The following TRIP13 variants were observed in gnomAD, a reference collection of about 807,000 sequenced individuals.
TRIP13 encodes pachytene checkpoint protein 2 homolog.
Under a neutral mutation model 54.4 loss-of-function variants are expected in TRIP13, and 25 were observed. The ratio of observed to expected loss-of-function variants is 0.46; its 90% CI spans 0.33 to 0.64. TRIP13 has a LOEUF of 0.64. Among genes scored for constraint, TRIP13 ranks in the 30% least tolerant of loss-of-function variants. TRIP13 has a pLI of 0.02. For missense variants in TRIP13, 373 were observed against 534.2 expected, an observed-to-expected ratio of 0.70 and a Z score of 2.97; for synonymous variants, 207 against 207.8, an observed-to-expected ratio of 1.00 and a Z score of 0.03.
rs1057485269 is a variant in TRIP13, at chr5:912,597, C to T, written c.1020+601C>T. Among the ~76,000 whole-genome samples, 6 of 142,900 alleles carry T rather than the reference C, an allele frequency of 4.2e-5. No homozygotes were observed. Among genetic ancestry groups the T allele is most frequent in the African/African-American group, 7.9e-5 (3 of 38,050 alleles). The allele number at this position is 142,900 out of a possible 152,430, so 93.7% of individuals were successfully genotyped here. A position where few individuals can be genotyped will look rare whatever the true frequency, so the allele number is the denominator to read the frequency against. On this transcript the variant is annotated intron_variant, in intron 10 of 12. Coordinates refer to ENST00000166345, the MANE Select transcript of TRIP13 (RefSeq NM_004237.4). This position sits in a 1 kb window ranked among gnomAD's most constrained non-coding sequence, Gnocchi z 7.2. ...CCGTCGCCACGGGCACAGTGACGTG[C>T]GGTGAGTGTGAGTCAGGAGGGCCGT...
Position 917,144 on chromosome 5 carries a change from C to T in TRIP13, c.*41C>T, listed in dbSNP as rs11889. 6.2e-7 allele frequency: 1 copy of T among 1,601,122 alleles called. No homozygotes were observed. The highest frequency in any genetic ancestry group is 1.7e-5 in the Admixed American group (1 of 59,778). On this transcript the variant is annotated 3_prime_UTR_variant, in exon 13 of 13. Transcript: ENST00000166345. ...TCTGGTGCTTTTCCCATGGAGAACA[C>T]ACAACCAGTAAGTGAGGTTGCCCCA...
At chr5:916,273 G>A (rs931725368) in intron 12 of TRIP13, among the ~76,000 whole-genome samples, 18 of 152,224 alleles carry the variant, frequency 1.2e-4, no homozygotes, top group African/African-American at 3.9e-4. Context: ...CTCACCAGAG[G>A]TTTGTGCTCT....
chr5:916,747 T>G (rs1754348333), intron 12 of TRIP13, among the ~76,000 whole-genome samples: 1 of 152,124 alleles, frequency 6.6e-6, no homozygotes, highest in Non-Finnish European at 1.5e-5. Context: ...GGTGCTCCCC[T>G]GCCCACCCCC....
At chr5:916,210 A>G (rs576346472) in intron 12 of TRIP13, among the ~76,000 whole-genome samples, 2 of 152,140 alleles carry the variant, frequency 1.3e-5, no homozygotes, top group Admixed American at 1.3e-4. Context: ...ATGCACACAC[A>G]TGCACGTCTG....
chr5:918,689 G>A (rs1259105855), downstream of TRIP13, among the ~76,000 whole-genome samples: 1 of 152,118 alleles, frequency 6.6e-6, no homozygotes, highest in East Asian at 1.9e-4. The surrounding 1 kb of genome is among the most constrained non-coding windows in gnomAD (Gnocchi z 4.3). Context: ...GTAGGCCATC[G>A]CAAGCTTCAG....
Position 917,823 on chromosome 5 carries a change from G to C in TRIP13, c.*720G>C, listed in dbSNP as rs1000052388. The C allele has an allele frequency of 5.3e-5, 8 of 152,128 alleles. No homozygotes were observed. Among genetic ancestry groups the C allele is most frequent in the Non-Finnish European group, 1.2e-4 (8 of 68,022 alleles). The allele number at this position is 152,128 out of a possible 1,614,324, so 9.4% of individuals were successfully genotyped here. On this transcript the variant is annotated 3_prime_UTR_variant, in exon 13 of 13. Coordinates refer to ENST00000166345, the MANE Select transcript of TRIP13 (RefSeq NM_004237.4). Reference sequence around the variant, plus strand: ...CTGGGATGTTTCTGCCCACGGTTTTGTTTGTGCAATAACGTTATCACATTT... The same window carrying C: ...CTGGGATGTTTCTGCCCACGGTTTTCTTTGTGCAATAACGTTATCACATTT...
intron 3 of TRIP13, among the ~76,000 whole-genome samples, 198 bp from the exon 4 acceptor site, chr5:900,296 A>G (rs1753954708): frequency 6.6e-6 from 1 of 152,174 alleles, no homozygotes; most frequent in Non-Finnish European, 1.5e-5. Flanking sequence ...ACTGGCATTT[A>G]TTTTGCATCT....
intron 3 of TRIP13, 38 bp from the exon 4 acceptor site, chr5:900,456 C>T: frequency 1.2e-6 from 2 of 1,611,522 alleles, no homozygotes; most frequent in Non-Finnish European, 1.7e-6. Context: ...TAATTGCTTG[C>T]CTTCCTGAAA....
rs910575177 is a variant in TRIP13, at chr5:911,479, G to C, written c.867-364G>C. Among the ~76,000 whole-genome samples, 2 of 152,088 alleles carry C rather than the reference G, an allele frequency of 1.3e-5. No homozygotes were observed. Among genetic ancestry groups the C allele is most frequent in the Non-Finnish European group, 2.9e-5 (2 of 68,012 alleles). On this transcript the variant is annotated intron_variant, in intron 9 of 12. Transcript: ENST00000166345. This position sits in a 1 kb window ranked among gnomAD's most constrained non-coding sequence, Gnocchi z 4.7. Reference sequence around the variant, plus strand: ...CCGGCTACTTGGGAGGCTGAGGCAGGAGAATGGTGTGAACCGGCGAGGCGG... The same window carrying C: ...CCGGCTACTTGGGAGGCTGAGGCAGCAGAATGGTGTGAACCGGCGAGGCGG...
intron 1 of TRIP13, chr5:893,513 T>C: frequency 4.6e-6 from 1 of 217,190 alleles, no homozygotes; most frequent in Non-Finnish European, 9.4e-6. Context: ...AGCCACTGCT[T>C]CTCAGACCCT....
At chr5:900,832 G>A (rs770251043) in intron 4 of TRIP13, among the ~76,000 whole-genome samples, 1 of 152,126 alleles carries the variant, frequency 6.6e-6, no homozygotes, top group Non-Finnish European at 1.5e-5. Context: ...AGCCTGGTCC[G>A]CACAAAGGAA....
chr5:900,758 G>A (rs1372126517), intron 4 of TRIP13, among the ~76,000 whole-genome samples: 1 of 152,198 alleles, frequency 6.6e-6, no homozygotes, highest in African/African-American at 2.4e-5. Flanking sequence ...AAGAGGGAAA[G>A]GGAGAACGTG....
chr5:909,751 C>A (rs527534725), intron 9 of TRIP13, among the ~76,000 whole-genome samples: 23 of 152,342 alleles, frequency 1.5e-4, no homozygotes, highest in African/African-American at 5.5e-4. Flanking sequence ...AAAAGTATCC[C>A]TTACGGGAAA....
At chr5:900,308 T>C (rs1753955060) in intron 3 of TRIP13, among the ~76,000 whole-genome samples, 186 bp from the exon 4 acceptor site, 3 of 152,254 alleles carry the variant, frequency 2.0e-5, no homozygotes, top group Admixed American at 2.0e-4. Flanking sequence ...TTTGCATCTT[T>C]GATTTTAATA....
chr5:899,986 C>G (rs1272240036), intron 3 of TRIP13, among the ~76,000 whole-genome samples: 1 of 151,984 alleles, frequency 6.6e-6, no homozygotes, highest in Non-Finnish European at 1.5e-5. Context: ...TTCATTCAGT[C>G]AGTGTGTGGG....
chr5:896,706 C>T lies in TRIP13; in HGVS notation c.300C>T (p.Phe100=). ...LSACTVALHI[F]QLNEDGPSSE... is the part of the protein sequence containing the mutation. The stretch of plus-strand genomic sequence containing the variant: ...CATGCACTGTTGCACTTCACATTTT[C>T]CAGCTGAATGAAGATGGCCCCAGCA... Residue 100 remains phenylalanine (F), a synonymous_variant, in exon 3 of 13, where the codon TTC becomes TTT. Transcript: ENST00000166345. The T allele has an allele frequency of 2.5e-6, 4 of 1,613,868 alleles. No individual in the cohort carries two copies. The highest frequency in any genetic ancestry group is 3.4e-6 in the Non-Finnish European group (4 of 1,179,844).
intron 9 of TRIP13, among the ~76,000 whole-genome samples, chr5:910,117 C>T (rs1034381119): frequency 1.3e-5 from 2 of 152,232 alleles, no homozygotes; most frequent in Admixed American, 6.5e-5. Context: ...ACTTCCTTCC[C>T]CACCTGGCTT....
chr5:906,930 A>G (rs1397878352), intron 6 of TRIP13, among the ~76,000 whole-genome samples, 200 bp from the exon 7 acceptor site: 2 of 152,262 alleles, frequency 1.3e-5, no homozygotes, highest in African/African-American at 4.8e-5. Context: ...GATACAGTCT[A>G]GAACTACTGA....
chr5:892,928 TGG>T lies in TRIP13; in HGVS notation c.-70_-69del, dbSNP rs1374928686. 8.1e-6 allele frequency: 11 copies of T among 1,353,970 alleles called. No individual in the cohort carries two copies. In the Admixed American group the frequency reaches 1.6e-4, roughly 19 times the overall value. 83.9% of individuals were successfully genotyped at this position (1,353,970 alleles called of 1,614,324 possible). A position where few individuals can be genotyped will look rare whatever the true frequency, so the allele number is the denominator to read the frequency against. ...GGCCCGCGGGCTGAGGCAGCGGCTG[TGG>T]CGGCGACGCTGGGCGTGAGGTGGCG... On this transcript the variant is annotated 5_prime_UTR_variant, in exon 1 of 13. Transcript: ENST00000166345.
Sources: gnomAD v4.1 joint callset for allele counts (sites outside exome capture counted in the v4.1 genomes callset) on GRCh38, gnomAD v4.1.1 for gene constraint, Gnocchi (gnomAD v3.1) non-coding constraint, MANE v1.5 for transcripts, NCBI Gene and HGNC (gene_info 2026-07-23, HGNC 2026-07-21) for gene names.